Variants in ZNF423 observed in about 807,000 individuals in gnomAD.
ZNF423 encodes zinc finger protein 423, also known as Ebf-associated zinc finger protein.
ZNF423 carries 12 observed loss-of-function variants against 95.8 expected under a neutral mutation model. The ratio of observed to expected loss-of-function variants is 0.13; its 90% confidence interval spans 0.08 to 0.20. The LOEUF is 0.20. Among genes scored for constraint, ZNF423 ranks in the 10% least tolerant of loss-of-function variants. The pLI is 1.00. For synonymous variants in ZNF423, 749 were observed against 711.9 expected (o/e 1.05, Z -0.83); for missense variants, 1,316 against 1,737.1 (o/e 0.76, Z 4.31).
chr16:49,730,748 G>A, intron 3 of ZNF423, 23 bp downstream of exon 3: 1 of 1,613,992 alleles, frequency 6.2e-7, no homozygotes, highest in Non-Finnish European at 8.5e-7. Context: ...ACCTGTCAGA[G>A]TCCTGGGGCT....
At chr16:49,641,167 G>A (rs768372739) in intron 3 of ZNF423, among the ~76,000 whole-genome samples, 42 of 152,204 alleles carry the variant, frequency 2.8e-4, no homozygotes, top group Admixed American at 1.3e-3. Flanking sequence ...CTGGACAGAC[G>A]AGGAAACTGA....
At chr16:49,649,638 TACACACACAC>T (rs58838858) in intron 3 of ZNF423, among the ~76,000 whole-genome samples, 32 of 140,280 alleles carry the variant, frequency 2.3e-4, no homozygotes, top group Non-Finnish European at 3.6e-4. Context: ...TGCTTTGAAG[TACACACACAC>T]ACACACACAC....
At chr16:49,746,724 G>C (rs1042289068) in intron 2 of ZNF423, among the ~76,000 whole-genome samples, 1 of 152,066 alleles carries the variant, frequency 6.6e-6, no homozygotes, top group Non-Finnish European at 1.5e-5. Flanking sequence ...CACCCACTTC[G>C]ACCTCCCAAA....
chr16:49,810,408 A>C (rs1005821253), intron 1 of ZNF423, among the ~76,000 whole-genome samples: 2 of 151,938 alleles, frequency 1.3e-5, no homozygotes, highest in African/African-American at 4.8e-5. Flanking sequence ...GGAGGCCCCC[A>C]CCAGACCTCT....
chr16:49,638,921 C>T lies in ZNF423; in HGVS notation c.302-47G>A. ...ATATTAGAGGCAATTCCCAGGGCTGCCGAGAAACAAGGACAGAGCCAGCTT... is the reference window on the plus strand; with the variant it reads ...ATATTAGAGGCAATTCCCAGGGCTGTCGAGAAACAAGGACAGAGCCAGCTT... On this transcript the variant is annotated intron_variant, in intron 3 of 7. Coordinates refer to ENST00000563137, the MANE Select transcript of ZNF423 (RefSeq NM_001379286.1). This position sits in a 1 kb window ranked among gnomAD's most constrained non-coding sequence, Gnocchi z 5.6. The T allele has an allele frequency of 6.5e-7, 1 of 1,546,166 alleles. No homozygotes were observed. Among genetic ancestry groups the T allele is most frequent in the Non-Finnish European group, 8.7e-7 (1 of 1,144,686 alleles).
In ZNF423 at chr16:49,491,074, A is replaced by C. The variant is rs1456856121; in HGVS notation, c.*201T>G. Reference sequence around the variant, plus strand: ...ACTAGCTGTAGCAGGACAATAAAAAATACTGAGCATGGAATACTTTTAATC... The same window carrying C: ...ACTAGCTGTAGCAGGACAATAAAAACTACTGAGCATGGAATACTTTTAATC... On this transcript the variant is annotated 3_prime_UTR_variant, in exon 8 of 8. Coordinates refer to ENST00000563137, the MANE Select transcript of ZNF423 (RefSeq NM_001379286.1). 3 of 623,808 alleles carry C rather than the reference A, an allele frequency of 4.8e-6. No homozygotes were observed. The highest frequency in any genetic ancestry group is 5.5e-5 in the East Asian group (2 of 36,690). The allele number at this position is 623,808 out of a possible 1,614,324, so 38.6% of individuals were successfully genotyped here. A position where few individuals can be genotyped will look rare whatever the true frequency, so the allele number is the denominator to read the frequency against.
At chr16:49,640,320 A>G (rs1567526178) in intron 3 of ZNF423, among the ~76,000 whole-genome samples, 1 of 152,018 alleles carries the variant, frequency 6.6e-6, no homozygotes, top group Non-Finnish European at 1.5e-5. Context: ...ACCCACCATC[A>G]CACACATTCA....
chr16:49,743,328 C>G lies in ZNF423; in HGVS notation c.101-12357G>C, dbSNP rs142901494. ...CTCTGGGAGCTCGCTGGGCACCTCTCCTTCTCCACTTATCATAGCAGTCCT... is the reference window on the plus strand; with the variant it reads ...CTCTGGGAGCTCGCTGGGCACCTCTGCTTCTCCACTTATCATAGCAGTCCT... On this transcript the variant is annotated intron_variant, in intron 2 of 7. Coordinates refer to ENST00000563137, the MANE Select transcript of ZNF423 (RefSeq NM_001379286.1). 1.6e-4 allele frequency among the ~76,000 whole-genome samples: 25 copies of G among 152,302 alleles called. 1 individual carries two copies. The East Asian group carries it at 4.8e-3, about 29-fold the overall frequency.
intron 3 of ZNF423, among the ~76,000 whole-genome samples, chr16:49,671,975 G>A (rs944193390): frequency 2.6e-5 from 4 of 152,118 alleles, no homozygotes; most frequent in South Asian, 2.1e-4. Flanking sequence ...GTGAGCCACC[G>A]CGCTCAGCCC....
At chr16:49,671,746 C>T (rs774714673) in intron 3 of ZNF423, among the ~76,000 whole-genome samples, 8 of 152,116 alleles carry the variant, frequency 5.3e-5, no homozygotes, top group East Asian at 1.9e-4. Context: ...AGTGCTGGTG[C>T]GATCTCGGCT....
chr16:49,513,718 G>A (rs1035112745), intron 7 of ZNF423, among the ~76,000 whole-genome samples: 3 of 152,092 alleles, frequency 2.0e-5, no homozygotes, highest in Non-Finnish European at 2.9e-5. Flanking sequence ...AAAAACTCAC[G>A]TCAGAGTGGA....
At chr16:49,510,358 T>TG (rs71380364) in intron 7 of ZNF423, among the ~76,000 whole-genome samples, 4 of 152,120 alleles carry the variant, frequency 2.6e-5, no homozygotes, top group Non-Finnish European at 5.9e-5. Flanking sequence ...ACCTCATTTC[T>TG]GGGGGGTGGA....
intron 3 of ZNF423, among the ~76,000 whole-genome samples, chr16:49,730,361 C>T (rs1271849304): frequency 6.6e-6 from 1 of 152,206 alleles, no homozygotes; most frequent in Non-Finnish European, 1.5e-5. Flanking sequence ...GAAATTTCCT[C>T]ATCCCATCAG....
chr16:49,716,345 A>T (rs1398021009), intron 3 of ZNF423, among the ~76,000 whole-genome samples: 3 of 152,052 alleles, frequency 2.0e-5, no homozygotes, highest in African/African-American at 7.2e-5. Context: ...AAGCCCTTGG[A>T]GAGGCTGAGA....
chr16:49,838,339 T>C (rs2035143308), intron 1 of ZNF423, among the ~76,000 whole-genome samples: 1 of 152,192 alleles, frequency 6.6e-6, no homozygotes, highest in Non-Finnish European at 1.5e-5. Flanking sequence ...TGCCTCGGTT[T>C]CCTCCTCTGT....
intron 3 of ZNF423, among the ~76,000 whole-genome samples, chr16:49,697,332 G>A (rs557292130): frequency 1.3e-5 from 2 of 152,084 alleles, no homozygotes; most frequent in Non-Finnish European, 2.9e-5. Flanking sequence ...TCCTGTGCAA[G>A]GGAACAAGCA....
intron 3 of ZNF423, among the ~76,000 whole-genome samples, chr16:49,708,792 C>G (rs969470536): frequency 2.6e-5 from 4 of 152,184 alleles, no homozygotes; most frequent in African/African-American, 9.7e-5. Context: ...TCTGTTCCCC[C>G]CAGCACACCC....
intron 1 of ZNF423, chr16:49,826,728 T>C (rs2035009090): frequency 6.6e-6 from 1 of 152,214 alleles, no homozygotes; most frequent in Non-Finnish European, 1.5e-5. Context: ...AGTGAGTCAC[T>C]TTCCGACAGT....
chr16:49,828,867 T>C (rs1198394879), intron 1 of ZNF423, among the ~76,000 whole-genome samples: 3 of 152,200 alleles, frequency 2.0e-5, no homozygotes, highest in African/African-American at 7.2e-5. Context: ...ACCGTATTTT[T>C]GGCAGGCTGA....
Sources: allele counts gnomAD v4.1 joint callset (sites outside exome capture counted in the v4.1 genomes callset), GRCh38; gene constraint gnomAD v4.1.1; non-coding constraint Gnocchi (gnomAD v3.1); transcripts MANE v1.5; gene names NCBI Gene and HGNC (gene_info 2026-07-23, HGNC 2026-07-21).